The following RFPL1 variants were observed in gnomAD, a reference collection of about 807,000 sequenced individuals.
RFPL1 encodes ret finger protein like 1, also known as ret finger protein-like 1.
Under a neutral mutation model 9.6 loss-of-function variants are expected in RFPL1, and 6 were observed. That is an observed-to-expected ratio of 0.62 (90% confidence interval 0.34 to 1.23). The LOEUF is 1.23. Among genes scored for constraint, RFPL1 ranks in the 50% most tolerant of loss-of-function variants. The pLI is 0.03. For synonymous variants in RFPL1, 145 were observed against 149.4 expected (o/e 0.97, Z 0.22); for missense variants, 352 against 398.4 (o/e 0.88, Z 0.99).
chr22:29,425,120 C>T, the RFPL1 span, among the ~76,000 whole-genome samples: 4 of 147,650 alleles, frequency 2.7e-5, no homozygotes, highest in African/African-American at 7.5e-5. Flanking sequence ...AGGAGAATGG[C>T]GTGGACCCGG....
intron 1 of RFPL1, chr22:29,439,528 G>T: frequency 4.5e-6 from 1 of 221,798 alleles, no homozygotes. Flanking sequence ...AGCTACTTGG[G>T]GGTTGAGGCA....
At chr22:29,406,002 G>A in the RFPL1 span, among the ~76,000 whole-genome samples, 5 of 149,738 alleles carry the variant, frequency 3.3e-5, no homozygotes, top group African/African-American at 7.4e-5. Flanking sequence ...CCAGCTACTC[G>A]GGAGGCTGAG....
chr22:29,403,702 C>T, the RFPL1 span, among the ~76,000 whole-genome samples: 1 of 152,232 alleles, frequency 6.6e-6, no homozygotes, highest in Non-Finnish European at 1.5e-5. Context: ...CACATCTTCA[C>T]ACATAAGAGA....
the RFPL1 span, among the ~76,000 whole-genome samples, chr22:29,422,784 G>A: frequency 1.4e-5 from 2 of 144,440 alleles, no homozygotes; most frequent in Admixed American, 1.4e-4. Context: ...AGGACACACA[G>A]GTACATGGAC....
At chr22:29,420,230 G>A in the RFPL1 span, among the ~76,000 whole-genome samples, 38 of 152,338 alleles carry the variant, frequency 2.5e-4, no homozygotes, top group African/African-American at 8.4e-4. Flanking sequence ...ACTTCATGAT[G>A]TGAGAAAAAC....
the RFPL1 span, among the ~76,000 whole-genome samples, chr22:29,395,739 T>C: frequency 5.3e-5 from 8 of 151,928 alleles, no homozygotes; most frequent in Non-Finnish European, 1.2e-4. Context: ...TTGGGAGGCT[T>C]AGGCAGGTGG....
the RFPL1 span, among the ~76,000 whole-genome samples, chr22:29,410,579 ATATC>A: frequency 1.5e-5 from 2 of 133,430 alleles, no homozygotes; most frequent in African/African-American, 5.5e-5. Context: ...TATTGTAGAT[ATATC>A]TATCTATATA....
At chr22:29,410,348 AGATATATATG>A in the RFPL1 span, among the ~76,000 whole-genome samples, 12 of 78,302 alleles carry the variant, frequency 1.5e-4, 1 homozygote, top group African/African-American at 4.7e-4. Context: ...ATCTATATAT[AGATATATATG>A]TAGATATATA....
the RFPL1 span, among the ~76,000 whole-genome samples, chr22:29,422,765 C>T: frequency 2.0e-5 from 3 of 151,550 alleles, no homozygotes; most frequent in African/African-American, 4.9e-5. Context: ...AAACATGTGC[C>T]GTTGGATAAG....
the RFPL1 span, among the ~76,000 whole-genome samples, chr22:29,429,174 C>G: frequency 6.6e-6 from 1 of 152,128 alleles, no homozygotes; most frequent in South Asian, 2.1e-4. Flanking sequence ...CCCACCCCAG[C>G]CTCTAAAGTA....
the RFPL1 span, among the ~76,000 whole-genome samples, chr22:29,397,539 G>A: frequency 6.7e-6 from 1 of 148,640 alleles, no homozygotes; most frequent in South Asian, 2.1e-4. Flanking sequence ...GCCGACCGAT[G>A]GGCCAAACAG....
the RFPL1 span, among the ~76,000 whole-genome samples, chr22:29,406,026 G>A: frequency 3.7e-3 from 535 of 144,862 alleles, 1 homozygote; most frequent in East Asian, 0.013. Flanking sequence ...GGAGAATGGC[G>A]TGAACCCGGG....
At chr22:29,399,260 CAAA>C in the RFPL1 span, among the ~76,000 whole-genome samples, 2 of 146,734 alleles carry the variant, frequency 1.4e-5, no homozygotes, top group Admixed American at 6.8e-5. Context: ...GAATTCCCCT[CAAA>C]AAAAAAAAAA....
Position 29,442,006 on chromosome 22 carries a change from C to A in RFPL1, c.838C>A (p.His280Asn), listed in dbSNP as rs779652740. Residue 280 changes from histidine to asparagine, a missense_variant, in exon 2 of 2, where the codon CAC becomes AAC. Transcript: ENST00000354373. ...GAGTGTCTCTGCTGAGGAGCCACTGCACTTGTTTTTTGCTCCTCCAAGTCC... is the reference window on the plus strand; with the variant it reads ...GAGTGTCTCTGCTGAGGAGCCACTGAACTTGTTTTTTGCTCCTCCAAGTCC... 27 of 1,614,130 alleles carry A rather than the reference C, an allele frequency of 1.7e-5. No individual in the cohort carries two copies. In the East Asian group the frequency reaches 5.8e-4, roughly 35 times the overall value.
the RFPL1 span, among the ~76,000 whole-genome samples, chr22:29,420,456 G>A: frequency 7.3e-5 from 11 of 149,692 alleles, no homozygotes; most frequent in South Asian, 2.1e-4. Flanking sequence ...TCAGCATACC[G>A]GGTAGCAGGG....
At chr22:29,441,252 G>C in intron 1 of RFPL1, 1 of 429,514 alleles carries the variant, frequency 2.3e-6, no homozygotes, top group Non-Finnish European at 4.2e-6. Context: ...GGGGGTCATG[G>C]TGTCTGCCTT....
At chr22:29,429,580 C>G in the RFPL1 span, among the ~76,000 whole-genome samples, 1 of 152,064 alleles carries the variant, frequency 6.6e-6, no homozygotes, top group Non-Finnish European at 1.5e-5. Flanking sequence ...TGCACAGATT[C>G]CTGGGCACAT....
chr22:29,394,617 C>T, the RFPL1 span, among the ~76,000 whole-genome samples: 7 of 152,250 alleles, frequency 4.6e-5, no homozygotes, highest in Non-Finnish European at 1.0e-4. Flanking sequence ...GCTGGGATTA[C>T]AGGCGTGAGC....
the RFPL1 span, among the ~76,000 whole-genome samples, chr22:29,425,988 A>G: frequency 6.6e-6 from 1 of 152,168 alleles, no homozygotes; most frequent in Admixed American, 6.5e-5. Flanking sequence ...ATGGACTAAT[A>G]GATAGGATAT....
Sources: allele counts gnomAD v4.1 joint callset (sites outside exome capture counted in the v4.1 genomes callset), GRCh38; gene constraint gnomAD v4.1.1; transcripts MANE v1.5; gene names NCBI Gene and HGNC (gene_info 2026-07-23, HGNC 2026-07-21).